CMC2: variants seen among roughly 807,000 people sequenced by gnomAD.
CMC2 encodes COX assembly mitochondrial protein 2 homolog.
A neutral mutation model predicts 7.5 loss-of-function variants in CMC2; 5 were observed. The observed-to-expected ratio is 0.66, with a 90% CI of 0.35 to 1.40. CMC2 has a LOEUF of 1.40. Ranked by LOEUF, CMC2 falls within the 40% of genes most tolerant of loss-of-function variation. CMC2 has a pLI of 0.04. For missense variants in CMC2, 115 were observed against 92.3 expected (o/e 1.25, Z -1.01); for synonymous variants, 37 against 31.4 (o/e 1.18, Z -0.60).
At chr16:80,988,985 T>C (rs1376995850) in intron 2 of CMC2, among the ~76,000 whole-genome samples, 2 of 152,224 alleles carry the variant, frequency 1.3e-5, no homozygotes, top group Admixed American at 6.5e-5. Context: ...AGGTCGTGAC[T>C]TTTTGGCAGG....
chr16:80,999,295 GA>G (rs1406205583), intron 1 of CMC2, among the ~76,000 whole-genome samples: 1 of 152,020 alleles, frequency 6.6e-6, no homozygotes, highest in African/African-American at 2.4e-5. Context: ...GCCAAATCAA[GA>G]ATACAATCCC....
Position 80,970,801 on chromosome 16 carries a change from G to T in CMC2, c.*5292C>A, listed in dbSNP as rs951733554. On this transcript the variant is annotated 3_prime_UTR_variant, in exon 4 of 4. Coordinates refer to ENST00000219400, the MANE Select transcript of CMC2 (RefSeq NM_020188.5). ...AATAGGAAATTAGAATAAATTGGAT[G>T]CAGGGGCTCATGCCTATAATCCCTG... is the stretch of plus-strand genomic sequence containing the variant. The T allele has an allele frequency of 2.0e-5, 3 of 152,180 alleles. No homozygotes were observed. The highest frequency in any genetic ancestry group is 2.0e-4 in the Admixed American group (3 of 15,274). 9.4% of individuals were successfully genotyped at this position (152,180 alleles called of 1,614,324 possible). A position where few individuals can be genotyped will look rare whatever the true frequency, so the allele number is the denominator to read the frequency against.
intron 3 of CMC2, among the ~76,000 whole-genome samples, chr16:80,979,344 A>G (rs1457357804): frequency 6.6e-6 from 1 of 152,162 alleles, no homozygotes; most frequent in Non-Finnish European, 1.5e-5. Context: ...ATGTATAGGA[A>G]AACAAACTCA....
chr16:80,970,818 T>C lies in CMC2; in HGVS notation c.*5275A>G, dbSNP rs1045078226. 1 of 152,214 alleles carries C rather than the reference T, an allele frequency of 6.6e-6. No homozygotes were observed. Among genetic ancestry groups the C allele is most frequent in the Admixed American group, 6.5e-5 (1 of 15,276 alleles). 9.4% of individuals were successfully genotyped at this position (152,214 alleles called of 1,614,324 possible). A position where few individuals can be genotyped will look rare whatever the true frequency, so the allele number is the denominator to read the frequency against. On this transcript the variant is annotated 3_prime_UTR_variant, in exon 4 of 4. Coordinates refer to ENST00000219400, the MANE Select transcript of CMC2 (RefSeq NM_020188.5). ...AATTGGATGCAGGGGCTCATGCCTA[T>C]AATCCCTGCTTTATAAAAAAATTTT...
intron 2 of CMC2, 176 bp downstream of exon 2, chr16:80,997,138 G>C (rs1163142842): frequency 3.3e-6 from 2 of 604,180 alleles, no homozygotes; most frequent in Non-Finnish European, 5.9e-6. Context: ...CATAAAAGGA[G>C]GTAGTTTGTG....
chr16:80,971,625 C>T lies in CMC2; in HGVS notation c.*4468G>A, dbSNP rs1290139662. Reference sequence around the variant, plus strand: ...ATATATATATATGTATGAAATCATGCATGAGAATGAAATATATCAAAGTCA... The same window carrying T: ...ATATATATATATGTATGAAATCATGTATGAGAATGAAATATATCAAAGTCA... On this transcript the variant is annotated 3_prime_UTR_variant, in exon 4 of 4. Transcript: ENST00000219400. The T allele has an allele frequency of 3.0e-5, 4 of 133,118 alleles. No individual in the cohort carries two copies. Among genetic ancestry groups the T allele is most frequent in the African/African-American group, 1.3e-4 (4 of 30,470 alleles). 8.2% of individuals were successfully genotyped at this position (133,118 alleles called of 1,614,324 possible). A position where few individuals can be genotyped will look rare whatever the true frequency, so the allele number is the denominator to read the frequency against.
intron 1 of CMC2, 131 bp from the exon 2 acceptor site, chr16:80,997,560 G>T: frequency 2.0e-6 from 1 of 507,588 alleles, no homozygotes; most frequent in Non-Finnish European, 3.5e-6. Context: ...GTGACCTCAG[G>T]CAAATTATTA....
chr16:80,967,154 G>C lies in CMC2; in HGVS notation c.*8939C>G, dbSNP rs1157843241. 2 of 152,150 alleles carry C rather than the reference G, an allele frequency of 1.3e-5. No individual in the cohort carries two copies. Among genetic ancestry groups the C allele is most frequent in the Admixed American group, 6.5e-5 (1 of 15,274 alleles). The allele number at this position is 152,150 out of a possible 1,614,324, so 9.4% of individuals were successfully genotyped here. Reference sequence around the variant, plus strand: ...GAATAATGTGGTGTCTGCCCAGAGAGGTGTCAGCCCAGAGAGCTTTCAGTC... The same window carrying C: ...GAATAATGTGGTGTCTGCCCAGAGACGTGTCAGCCCAGAGAGCTTTCAGTC... On this transcript the variant is annotated 3_prime_UTR_variant, in exon 4 of 4. Coordinates refer to ENST00000219400, the MANE Select transcript of CMC2 (RefSeq NM_020188.5).
rs77011342 is a variant in CMC2 at position 80,966,930 on chromosome 16, G to C, written c.*9163C>G. ...ACTGTCCTATTCGTAGACATATAGA[G>C]CCCGTCTTATTTTAATTACATCCAA... is the stretch of plus-strand genomic sequence containing the variant. On this transcript the variant is annotated 3_prime_UTR_variant, in exon 4 of 4. Transcript: ENST00000219400. 1 of 152,062 alleles carries C rather than the reference G, an allele frequency of 6.6e-6. No individual in the cohort carries two copies. Among genetic ancestry groups the C allele is most frequent in the African/African-American group, 2.4e-5 (1 of 41,408 alleles). 9.4% of individuals were successfully genotyped at this position (152,062 alleles called of 1,614,324 possible).
rs1312770601 is a variant in CMC2 at position 80,966,743 on chromosome 16, T to A, written c.*9350A>T. 2.6e-5 allele frequency: 4 copies of A among 152,204 alleles called. No homozygotes were observed. The highest frequency in any genetic ancestry group is 5.9e-5 in the Non-Finnish European group (4 of 68,028). The allele number at this position is 152,204 out of a possible 1,614,324, so 9.4% of individuals were successfully genotyped here. ...CTGTGGTTATAAAATCAACTTGACA[T>A]GTACTCGAGTTATTTGTTTCAGCTT... On this transcript the variant is annotated 3_prime_UTR_variant, in exon 4 of 4. Transcript: ENST00000219400.
rs1458046308 is a variant in CMC2, at chr16:80,997,225, T to G, written c.81+89A>C. 2.3e-5 allele frequency: 18 copies of G among 795,742 alleles called. No individual in the cohort carries two copies. In the East Asian group the frequency reaches 4.5e-4, roughly 20 times the overall value. The allele number at this position is 795,742 out of a possible 1,614,324, so 49.3% of individuals were successfully genotyped here. ...AGACTCCTTACTAAGACATTATCGTTTCCTTCTATCAACGGAGATAACATT... is the reference window on the plus strand; with the variant it reads ...AGACTCCTTACTAAGACATTATCGTGTCCTTCTATCAACGGAGATAACATT... On this transcript the variant is annotated intron_variant, in intron 2 of 3. Transcript: ENST00000219400.
At chr16:80,985,754 G>C (rs17670718) in intron 2 of CMC2, among the ~76,000 whole-genome samples, 23,992 of 151,872 alleles carry the variant, frequency 0.16, 2,523 homozygotes, top group Non-Finnish European at 0.23. Flanking sequence ...AAAGGGAAAA[G>C]GAAACGACCA....
At chr16:80,979,451 C>T (rs1877513967) in intron 3 of CMC2, among the ~76,000 whole-genome samples, 1 of 151,402 alleles carries the variant, frequency 6.6e-6, no homozygotes, top group African/African-American at 2.4e-5. Flanking sequence ...ATCTAATTGA[C>T]AAAGCAGTGG....
chr16:80,991,782 A>T (rs1968014699), intron 2 of CMC2: 1 of 357,970 alleles, frequency 2.8e-6, no homozygotes, highest in Admixed American at 3.5e-5. Flanking sequence ...AAAACACATG[A>T]TCCCAATCCA....
intron 3 of CMC2, among the ~76,000 whole-genome samples, chr16:80,976,945 C>T (rs16954366): frequency 0.15 from 22,845 of 151,844 alleles, 1,813 homozygotes; most frequent in Admixed American, 0.19. Flanking sequence ...ACATTAATGC[C>T]CCTTACCAAA....
At chr16:80,991,253 G>C (rs1324115250) in intron 2 of CMC2, among the ~76,000 whole-genome samples, 1 of 152,108 alleles carries the variant, frequency 6.6e-6, no homozygotes, top group Non-Finnish European at 1.5e-5. Flanking sequence ...TGGAGGAACA[G>C]GGTAACTTCC....
At chr16:80,988,785 T>C (rs1351069001) in intron 2 of CMC2, among the ~76,000 whole-genome samples, 1 of 144,824 alleles carries the variant, frequency 6.9e-6, no homozygotes, top group East Asian at 2.0e-4. Context: ...CCATTGCATT[T>C]AGTTGTCACG....
intron 2 of CMC2, among the ~76,000 whole-genome samples, chr16:80,984,441 G>A (rs190731546): frequency 6.6e-6 from 1 of 151,940 alleles, no homozygotes; most frequent in Non-Finnish European, 1.5e-5. Context: ...CATTTTAAAC[G>A]TACGTTTCAA....
chr16:80,999,186 C>T (rs149466892), intron 1 of CMC2, among the ~76,000 whole-genome samples: 57 of 152,278 alleles, frequency 3.7e-4, no homozygotes, highest in African/African-American at 1.3e-3. Context: ...ACCCAGAAAA[C>T]CCTAAAGACT....
Sources: gnomAD v4.1 joint callset for allele counts (sites outside exome capture counted in the v4.1 genomes callset) on GRCh38, gnomAD v4.1.1 for gene constraint, MANE v1.5 for transcripts, NCBI Gene and HGNC (gene_info 2026-07-23, HGNC 2026-07-21) for gene names.